The following PABPC4L variants were observed in gnomAD, a reference collection of about 807,000 sequenced individuals.
The protein encoded by PABPC4L is polyadenylate-binding protein 4-like.
For missense variants in PABPC4L, 452 were observed against 451.4 expected (o/e 1.00, Z -0.01); for synonymous variants, 169 against 164.1 (o/e 1.03, Z -0.23).
At chr4:134,168,563 A>C in the PABPC4L span, among the ~76,000 whole-genome samples, 1 of 151,964 alleles carries the variant, frequency 6.6e-6, no homozygotes, top group Admixed American at 6.6e-5. Context: ...CCAAATAAAT[A>C]AAATCAAAGA....
the PABPC4L span, among the ~76,000 whole-genome samples, chr4:134,027,801 T>C: frequency 6.6e-6 from 1 of 152,136 alleles, no homozygotes; most frequent in Admixed American, 6.6e-5. Flanking sequence ...ATTTACAATC[T>C]TTAGAAAGCC....
At chr4:133,959,675 G>A in the PABPC4L span, among the ~76,000 whole-genome samples, 4 of 152,188 alleles carry the variant, frequency 2.6e-5, no homozygotes, top group Non-Finnish European at 4.4e-5. Flanking sequence ...AATGGAAGAT[G>A]TGAAAAACAC....
chr4:134,117,564 A>T, the PABPC4L span, among the ~76,000 whole-genome samples: 1 of 151,720 alleles, frequency 6.6e-6, no homozygotes, highest in Non-Finnish European at 1.5e-5. Context: ...CGTGACAGTT[A>T]ATAAAATTAT....
chr4:134,128,342 T>C, the PABPC4L span, among the ~76,000 whole-genome samples: 3 of 152,250 alleles, frequency 2.0e-5, no homozygotes, highest in South Asian at 6.2e-4. Context: ...AAAAAGATCA[T>C]TGCCTAGGCA....
the PABPC4L span, among the ~76,000 whole-genome samples, chr4:134,085,353 A>G: frequency 1.3e-5 from 2 of 152,286 alleles, no homozygotes; most frequent in East Asian, 3.9e-4. Context: ...TACATAAAAT[A>G]CACATGTACA....
At chr4:134,118,119 G>A in the PABPC4L span, among the ~76,000 whole-genome samples, 1 of 151,746 alleles carries the variant, frequency 6.6e-6, no homozygotes, top group Non-Finnish European at 1.5e-5. Context: ...TCTCTGCCAT[G>A]AGTAATAAAC....
chr4:133,949,019 T>C, the PABPC4L span, among the ~76,000 whole-genome samples: 2 of 152,326 alleles, frequency 1.3e-5, no homozygotes, highest in South Asian at 2.1e-4. Flanking sequence ...GAGATATCTA[T>C]TCCTAATCCA....
the PABPC4L span, among the ~76,000 whole-genome samples, chr4:134,059,601 G>T: frequency 1.3e-5 from 2 of 150,834 alleles, no homozygotes; most frequent in Admixed American, 1.3e-4. Flanking sequence ...ATATGAACAA[G>T]ATATCATAAA....
At chr4:134,160,332 C>A in the PABPC4L span, among the ~76,000 whole-genome samples, 1 of 152,120 alleles carries the variant, frequency 6.6e-6, no homozygotes, top group African/African-American at 2.4e-5. Flanking sequence ...GCCTGGTATC[C>A]CAGATAATAC....
chr4:133,992,668 A>G, the PABPC4L span, among the ~76,000 whole-genome samples: 1 of 152,188 alleles, frequency 6.6e-6, no homozygotes, highest in Non-Finnish European at 1.5e-5. Flanking sequence ...GATGAGGCCA[A>G]TAGAATGTAG....
chr4:134,024,923 ATTTTTTTT>A, the PABPC4L span, among the ~76,000 whole-genome samples: 85,771 of 128,494 alleles, frequency 0.67, 28,780 homozygotes, highest in East Asian at 0.97. Flanking sequence ...TAATTATGTA[ATTTTTTTT>A]TTTTTTTTTT....
chr4:133,962,524 A>G, the PABPC4L span, among the ~76,000 whole-genome samples: 1 of 152,324 alleles, frequency 6.6e-6, no homozygotes, highest in East Asian at 1.9e-4. Context: ...CAACAAGTAG[A>G]AAAAAGAAAT....
Position 134,197,695 on chromosome 4 carries a change from A to G in PABPC4L, c.*2212T>C, listed in dbSNP as rs1479510298. 6.6e-6 allele frequency: 1 copy of G among 151,774 alleles called. No individual in the cohort carries two copies. The highest frequency in any genetic ancestry group is 1.5e-5 in the Non-Finnish European group (1 of 67,686). 9.4% of individuals were successfully genotyped at this position (151,774 alleles called of 1,614,324 possible). On this transcript the variant is annotated 3_prime_UTR_variant, in exon 2 of 2. Transcript: ENST00000421491. ...AAATACAAATGGTCAGTGAGTACAC[A>G]AATACTGTTTAACTTTTGTAATTTA...
At chr4:133,972,237 A>G in the PABPC4L span, among the ~76,000 whole-genome samples, 1 of 152,310 alleles carries the variant, frequency 6.6e-6, no homozygotes, top group African/African-American at 2.4e-5. Context: ...GTGGCATAAT[A>G]ATTTCATTTT....
the PABPC4L span, among the ~76,000 whole-genome samples, chr4:134,005,626 C>T: frequency 3.3e-5 from 5 of 151,736 alleles, no homozygotes; most frequent in Non-Finnish European, 7.4e-5. Flanking sequence ...CTCATTTATT[C>T]AAAAAGTTGG....
chr4:134,107,807 T>C, the PABPC4L span, among the ~76,000 whole-genome samples: 4 of 151,694 alleles, frequency 2.6e-5, no homozygotes, highest in African/African-American at 7.2e-5. Flanking sequence ...GTAAGATTTG[T>C]TACTTCAGCT....
downstream of PABPC4L, among the ~76,000 whole-genome samples, chr4:134,194,700 G>A (rs73858045): frequency 7.1e-3 from 1,073 of 151,834 alleles, 19 homozygotes; most frequent in African/African-American, 0.024. Flanking sequence ...ACAGTACACA[G>A]CCTTCTATCT....
the PABPC4L span, among the ~76,000 whole-genome samples, chr4:134,144,579 TA>T: frequency 0.43 from 60,106 of 138,728 alleles, 13,879 homozygotes; most frequent in East Asian, 0.97. Context: ...CCTACCAGGT[TA>T]AAAAAAAAAA....
chr4:134,063,740 C>T, the PABPC4L span, among the ~76,000 whole-genome samples: 1 of 151,878 alleles, frequency 6.6e-6, no homozygotes, highest in South Asian at 2.1e-4. Flanking sequence ...GAAATCTTGT[C>T]ATTCTAGGCA....
Sources: gnomAD v4.1 joint callset for allele counts (sites outside exome capture counted in the v4.1 genomes callset) on GRCh38, gnomAD v4.1.1 for gene constraint, MANE v1.5 for transcripts, NCBI Gene and HGNC (gene_info 2026-07-23, HGNC 2026-07-21) for gene names.